Variants in AGMO observed in about 807,000 individuals in gnomAD.
AGMO encodes glyceryl-ether monooxygenase.
Under a neutral mutation model 60.2 loss-of-function variants are expected in AGMO, and 75 were observed. The ratio of observed to expected loss-of-function variants is 1.25; its 90% CI spans 1.03 to 1.51. The LOEUF is 1.51. AGMO is among the 40% of genes most tolerant of loss of function. AGMO has a pLI of 0.00. For synonymous variants in AGMO, 261 were observed against 177.1 expected (o/e 1.47, Z -3.76); for missense variants, 763 against 525.5 (o/e 1.45, Z -4.42).
At chr7:15,538,878 A>C (rs947764079) in intron 3 of AGMO, among the ~76,000 whole-genome samples, 2 of 152,180 alleles carry the variant, frequency 1.3e-5, no homozygotes, top group Non-Finnish European at 2.9e-5. Flanking sequence ...AACTACACAA[A>C]AATTGTGATC....
intron 12 of AGMO, among the ~76,000 whole-genome samples, chr7:15,279,252 T>C (rs921576873): frequency 1.2e-4 from 19 of 152,148 alleles, no homozygotes; most frequent in Non-Finnish European, 2.2e-4. Context: ...AGGGGTCCTC[T>C]CTCAGCTGTG....
chr7:15,186,843 T>C, the AGMO span, among the ~76,000 whole-genome samples: 1 of 152,136 alleles, frequency 6.6e-6, no homozygotes, highest in Non-Finnish European at 1.5e-5. Flanking sequence ...TTTGCAGATG[T>C]TTCTCCCACA....
At chr7:15,431,131 T>C (rs1781226791) in intron 3 of AGMO, 23 bp from the exon 4 acceptor site, 1 of 1,545,296 alleles carries the variant, frequency 6.5e-7, no homozygotes, top group African/African-American at 1.4e-5. Context: ...TAATTTGCAA[T>C]GAGCCATGAG....
chr7:15,368,081 T>C (rs983663551), intron 10 of AGMO, among the ~76,000 whole-genome samples: 2 of 151,952 alleles, frequency 1.3e-5, no homozygotes, highest in South Asian at 4.2e-4. Flanking sequence ...AGCAATACTT[T>C]AGTGGAAGAG....
intron 10 of AGMO, among the ~76,000 whole-genome samples, chr7:15,370,856 G>C (rs930124597): frequency 6.6e-6 from 1 of 152,142 alleles, no homozygotes; most frequent in South Asian, 2.1e-4. Context: ...TTACTCTGTT[G>C]ATAGTTTCTT....
At chr7:15,427,783 A>T (rs1388941522) in intron 4 of AGMO, among the ~76,000 whole-genome samples, 1 of 152,166 alleles carries the variant, frequency 6.6e-6, no homozygotes, top group Non-Finnish European at 1.5e-5. Flanking sequence ...AAAACCATAT[A>T]TTGCAGTGTA....
At chr7:15,234,858 C>A (rs1057140542) in intron 12 of AGMO, among the ~76,000 whole-genome samples, 9 of 152,200 alleles carry the variant, frequency 5.9e-5, no homozygotes, top group Middle Eastern at 6.8e-3. Context: ...AAAAAGTGTT[C>A]TTGGCTTGTG....
rs141736063 is a variant in AGMO at position 15,294,809 on chromosome 7, T to C, written c.1263+70705A>G. ...AATATCTGACAAATGGAAAGCAATA[T>C]GTAGGCTGCATATGATAATTTAATA... On this transcript the variant is annotated intron_variant, in intron 12 of 12. Transcript: ENST00000342526. Among the ~76,000 whole-genome samples the C allele has an allele frequency of 8.2e-3, 1,242 of 152,050 alleles. 26 individuals are homozygous for C. The highest frequency in any genetic ancestry group is 0.028 in the African/African-American group (1,159 of 41,546).
At chr7:15,297,708 G>T (rs1261018754) in intron 12 of AGMO, among the ~76,000 whole-genome samples, 1 of 152,036 alleles carries the variant, frequency 6.6e-6, no homozygotes, top group Non-Finnish European at 1.5e-5. Flanking sequence ...CCTGTGAAAG[G>T]TTTTCAAACA....
At chr7:15,298,802 T>A (rs1583378561) in intron 12 of AGMO, among the ~76,000 whole-genome samples, 1 of 152,282 alleles carries the variant, frequency 6.6e-6, no homozygotes, top group East Asian at 1.9e-4. Context: ...CATTCTATTC[T>A]TTTGTCTAAA....
chr7:15,329,293 T>C (rs1781433146), intron 12 of AGMO, among the ~76,000 whole-genome samples: 1 of 152,220 alleles, frequency 6.6e-6, no homozygotes, highest in Non-Finnish European at 1.5e-5. Flanking sequence ...TCCCTTTTTC[T>C]TTCAGTGAAT....
intron 2 of AGMO, among the ~76,000 whole-genome samples, chr7:15,556,935 T>C (rs1785159221): frequency 1.3e-5 from 2 of 152,020 alleles, no homozygotes; most frequent in Admixed American, 6.6e-5. Flanking sequence ...GTCCAGAATC[T>C]GGTTCTTAGG....
intron 10 of AGMO, among the ~76,000 whole-genome samples, chr7:15,382,255 T>C (rs10269850): frequency 0.48 from 72,578 of 152,062 alleles, 20,527 homozygotes; most frequent in African/African-American, 0.8. Context: ...TTTAGCAGGA[T>C]ACATTGCATA....
intron 12 of AGMO, among the ~76,000 whole-genome samples, chr7:15,272,128 CCT>C (rs1410196715): frequency 2.7e-5 from 4 of 150,840 alleles, no homozygotes; most frequent in Non-Finnish European, 4.4e-5. Context: ...GGATATTGGC[CCT>C]TTTTTTCTTT....
chr7:15,407,006 T>A (rs558698117), intron 5 of AGMO, among the ~76,000 whole-genome samples: 1 of 143,406 alleles, frequency 7.0e-6, no homozygotes, highest in Non-Finnish European at 1.5e-5. Flanking sequence ...ATATGGAATA[T>A]ACATATATAT....
chr7:15,315,792 C>A (rs1272068601), intron 12 of AGMO, among the ~76,000 whole-genome samples: 1 of 151,896 alleles, frequency 6.6e-6, no homozygotes, highest in Non-Finnish European at 1.5e-5. Flanking sequence ...TAAAGAGGAC[C>A]ATAGCAAACA....
intron 3 of AGMO, among the ~76,000 whole-genome samples, chr7:15,468,013 CT>C (rs2128511202): frequency 6.6e-6 from 1 of 152,242 alleles, no homozygotes; most frequent in South Asian, 2.1e-4. Context: ...GTAACTCTTC[CT>C]TTACCAAACT....
chr7:15,209,830 C>T (rs1417968763), intron 12 of AGMO, among the ~76,000 whole-genome samples: 1 of 152,156 alleles, frequency 6.6e-6, no homozygotes, highest in Non-Finnish European at 1.5e-5. Flanking sequence ...TTTTGACTAC[C>T]TGTTCTGGCA....
chr7:15,280,919 T>C (rs997093851), intron 12 of AGMO, among the ~76,000 whole-genome samples: 3 of 152,136 alleles, frequency 2.0e-5, no homozygotes, highest in African/African-American at 7.2e-5. Context: ...TCCTGCCCGT[T>C]GTTGGGATAC....
Sources: allele counts gnomAD v4.1 joint callset (sites outside exome capture counted in the v4.1 genomes callset), GRCh38; gene constraint gnomAD v4.1.1; transcripts MANE v1.5; gene names NCBI Gene and HGNC (gene_info 2026-07-23, HGNC 2026-07-21).